COL25A1: variants seen among roughly 807,000 people sequenced by gnomAD.
COL25A1 encodes collagen alpha-1(XXV) chain.
A neutral mutation model predicts 128.4 loss-of-function variants in COL25A1; 103 were observed. The observed-to-expected ratio is 0.80, with a 90% confidence interval of 0.68 to 0.94. The LOEUF (loss-of-function observed/expected upper bound fraction) is 0.94. Among genes scored for constraint, COL25A1 ranks in the 40% least tolerant of loss-of-function variants. COL25A1 has a pLI of 0.00. For missense variants in COL25A1, 745 were observed against 840.0 expected (o/e 0.89, Z 1.40); for synonymous variants, 279 against 277.2 (o/e 1.01, Z -0.06).
At chr4:109,241,406 C>A (rs987934727) in intron 3 of COL25A1, among the ~76,000 whole-genome samples, 9 of 151,956 alleles carry the variant, frequency 5.9e-5, no homozygotes, top group African/African-American at 2.2e-4. Context: ...TTCACTTTCA[C>A]CTTCTTTGTG....
chr4:109,290,616 C>A (rs1724376271), intron 3 of COL25A1, among the ~76,000 whole-genome samples: 1 of 152,022 alleles, frequency 6.6e-6, no homozygotes, highest in African/African-American at 2.4e-5. Flanking sequence ...TTAGGAAATA[C>A]AGTTTGTTTA....
intron 3 of COL25A1, among the ~76,000 whole-genome samples, chr4:109,183,923 CA>C (rs34164987): frequency 0.039 from 4,075 of 105,450 alleles, 43 homozygotes; most frequent in Middle Eastern, 0.068. Context: ...ACACCAACTT[CA>C]AAAAAAAAAA....
chr4:109,170,324 A>G (rs1003805224), intron 3 of COL25A1, among the ~76,000 whole-genome samples: 1 of 152,186 alleles, frequency 6.6e-6, no homozygotes, highest in Non-Finnish European at 1.5e-5. Flanking sequence ...TTCTAAAAAC[A>G]TTTTATGATA....
In COL25A1 at chr4:108,920,582, T is replaced by C. The variant is rs1745384820; in HGVS notation, c.731A>G (p.Gln244Arg). ...ATATTGTTGTTTATACTCTACCTTT[T>C]GTCCCGGAGGCCCTAGAGGACCCTA... Reference protein sequence around the residue: ...GLMGPLGPPGQKGSIGAPGIP... With the variant: ...GLMGPLGPPGRKGSIGAPGIP... Residue 244 changes from glutamine to arginine, a missense_variant, in exon 12 of 38, where the codon CAA becomes CGA. Coordinates refer to ENST00000399132, the MANE Select transcript of COL25A1 (RefSeq NM_198721.4). 1 of 1,604,358 alleles carries C rather than the reference T, an allele frequency of 6.2e-7. No individual in the cohort carries two copies. The highest frequency in any genetic ancestry group is 2.2e-5 in the East Asian group (1 of 44,714).
chr4:108,899,485 T>A (rs1742565754), intron 14 of COL25A1, among the ~76,000 whole-genome samples: 1 of 152,118 alleles, frequency 6.6e-6, no homozygotes, highest in South Asian at 2.1e-4. Flanking sequence ...GTGTGGCAAT[T>A]CAATATCTTG....
At chr4:109,207,367 A>G (rs1219686262) in intron 3 of COL25A1, among the ~76,000 whole-genome samples, 1 of 152,138 alleles carries the variant, frequency 6.6e-6, no homozygotes, top group Non-Finnish European at 1.5e-5. Flanking sequence ...TTCCTGGAGC[A>G]TAGTTACAGT....
intron 3 of COL25A1, among the ~76,000 whole-genome samples, chr4:109,226,884 T>C (rs1334418226): frequency 1.3e-5 from 2 of 152,080 alleles, no homozygotes; most frequent in Non-Finnish European, 2.9e-5. Flanking sequence ...ATAGTAACAA[T>C]AGTTGCATGA....
chr4:109,108,251 A>G (rs547533493), intron 3 of COL25A1, among the ~76,000 whole-genome samples: 33 of 152,112 alleles, frequency 2.2e-4, no homozygotes, highest in Admixed American at 7.9e-4. Flanking sequence ...TCATTGTTCA[A>G]TTCCCACCTA....
intron 3 of COL25A1, among the ~76,000 whole-genome samples, chr4:109,079,077 T>A (rs1462133539): frequency 6.6e-6 from 1 of 152,224 alleles, no homozygotes; most frequent in Non-Finnish European, 1.5e-5. Flanking sequence ...AGATTGATGA[T>A]CTAGGTTACT....
At chr4:108,988,141 G>C (rs1228057943) in intron 6 of COL25A1, among the ~76,000 whole-genome samples, 4 of 152,272 alleles carry the variant, frequency 2.6e-5, no homozygotes, top group South Asian at 4.1e-4. Context: ...CTGTAACCTA[G>C]AGCAAAGAAT....
At chr4:109,050,031 A>T in intron 4 of COL25A1, 104 bp downstream of exon 4, 1 of 834,784 alleles carries the variant, frequency 1.2e-6, no homozygotes, top group Non-Finnish European at 1.9e-6. Context: ...TTAAACACAC[A>T]CATATAACCT....
At chr4:109,116,157 T>C (rs1022987190) in intron 3 of COL25A1, among the ~76,000 whole-genome samples, 1 of 152,024 alleles carries the variant, frequency 6.6e-6, no homozygotes, top group Non-Finnish European at 1.5e-5. Flanking sequence ...AGGGACACAG[T>C]AATGGGGCCC....
intron 8 of COL25A1, among the ~76,000 whole-genome samples, chr4:108,972,448 A>T (rs1276798828): frequency 6.6e-6 from 1 of 152,176 alleles, no homozygotes; most frequent in African/African-American, 2.4e-5. Flanking sequence ...ATTTCCTAAT[A>T]TGTAGCTAAT....
chr4:108,915,582 C>T (rs1008642836), intron 13 of COL25A1, among the ~76,000 whole-genome samples: 1 of 151,818 alleles, frequency 6.6e-6, no homozygotes, highest in Non-Finnish European at 1.5e-5. Context: ...TTTTTATTTG[C>T]CATATTTCTT....
intron 6 of COL25A1, among the ~76,000 whole-genome samples, chr4:108,998,266 T>G (rs1193693721): frequency 2.0e-5 from 3 of 152,174 alleles, no homozygotes; most frequent in Non-Finnish European, 4.4e-5. Flanking sequence ...ATAAGCAACT[T>G]CAGCAAAGTC....
chr4:109,088,494 T>A (rs1560669745), intron 3 of COL25A1, among the ~76,000 whole-genome samples: 1 of 152,204 alleles, frequency 6.6e-6, no homozygotes, highest in South Asian at 2.1e-4. Context: ...ACTAAAATGG[T>A]TGATGTGTCT....
At chr4:109,222,119 A>T (rs374537709) in intron 3 of COL25A1, among the ~76,000 whole-genome samples, 1 of 124,028 alleles carries the variant, frequency 8.1e-6, no homozygotes, top group East Asian at 2.4e-4. Context: ...GCTGGAGTGC[A>T]ATGGCGCCAT....
At chr4:109,078,859 C>T (rs1763601197) in intron 3 of COL25A1, among the ~76,000 whole-genome samples, 1 of 152,184 alleles carries the variant, frequency 6.6e-6, no homozygotes, top group Admixed American at 6.5e-5. Flanking sequence ...GCAGCTACAG[C>T]ACACTGGCTT....
At chr4:109,254,826 C>A (rs944411183) in intron 3 of COL25A1, among the ~76,000 whole-genome samples, 2 of 152,046 alleles carry the variant, frequency 1.3e-5, no homozygotes, top group Non-Finnish European at 2.9e-5. Context: ...GTTTTCAAAC[C>A]AATAAATATA....
Sources: allele counts gnomAD v4.1 joint callset (sites outside exome capture counted in the v4.1 genomes callset), GRCh38; gene constraint gnomAD v4.1.1; transcripts MANE v1.5; gene names NCBI Gene and HGNC (gene_info 2026-07-23, HGNC 2026-07-21).